The following ROR1 variants were observed in gnomAD, a reference collection of about 807,000 sequenced individuals.
ROR1 encodes inactive tyrosine-protein kinase transmembrane receptor ROR1.
In ROR1, 19 loss-of-function variants were observed where a neutral mutation model predicts 78.8. The observed-to-expected ratio is 0.24, with a 90% CI of 0.17 to 0.35. The LOEUF (loss-of-function observed/expected upper bound fraction) is 0.35. ROR1 is among the 10% of genes least tolerant of loss of function. ROR1 has a pLI of 1.00. For missense variants in ROR1, 917 were observed against 1,177.8 expected (o/e 0.78, Z 3.24); for synonymous variants, 386 against 433.6 (o/e 0.89, Z 1.36).
chr1:63,843,519 ACCAGGATCTTCTTGGTCTCCT>A (rs1307457641), intron 1 of ROR1: 15 of 755,352 alleles, frequency 2.0e-5, no homozygotes, highest in African/African-American at 3.4e-5. Flanking sequence ...CACATCGCCC[ACCAGGATCTTCTTGGTCTCCT>A]CCAGGATGAT....
intron 4 of ROR1, among the ~76,000 whole-genome samples, chr1:64,133,026 T>C (rs10159381): frequency 0.015 from 2,286 of 152,162 alleles, 51 homozygotes; most frequent in African/African-American, 0.05. Flanking sequence ...AGGTGGGCGC[T>C]AAACAGATAA....
Position 63,973,742 on chromosome 1 carries a change from G to T in ROR1, c.92-35563G>T, listed in dbSNP as rs141037716. Among the ~76,000 whole-genome samples the T allele has an allele frequency of 2.2e-3, 332 of 152,246 alleles. 2 individuals carry two copies. The highest frequency in any genetic ancestry group is 7.8e-3 in the African/African-American group (322 of 41,542). ...ATCTAGGGGTGGGGTCTGGGAATAT[G>T]CATCTTAACAAGAATCACAGCAGAT... is the stretch of plus-strand genomic sequence containing the variant. On this transcript the variant is annotated intron_variant, in intron 1 of 8. Transcript: ENST00000371079.
At chr1:63,905,761 C>T (rs1439696183) in intron 1 of ROR1, among the ~76,000 whole-genome samples, 1 of 151,964 alleles carries the variant, frequency 6.6e-6, no homozygotes, top group Non-Finnish European at 1.5e-5. Context: ...AAGAGTCTAA[C>T]TTAAAATTAG....
At chr1:63,852,308 C>G (rs1645118959) in intron 1 of ROR1, among the ~76,000 whole-genome samples, 1 of 152,206 alleles carries the variant, frequency 6.6e-6, no homozygotes, top group Non-Finnish European at 1.5e-5. Context: ...CTGGCAAACT[C>G]TTCCTTTTGT....
At chr1:64,135,858 C>A (rs1172388742) in intron 4 of ROR1, among the ~76,000 whole-genome samples, 2 of 152,098 alleles carry the variant, frequency 1.3e-5, no homozygotes, top group African/African-American at 4.8e-5. Flanking sequence ...GATACTTCCC[C>A]CACTTTCACC....
At chr1:63,942,562 G>A (rs1333640737) in intron 1 of ROR1, among the ~76,000 whole-genome samples, 2 of 152,096 alleles carry the variant, frequency 1.3e-5, no homozygotes, top group Admixed American at 6.5e-5. Context: ...GGCCTTAGGA[G>A]TAGGGCCATT....
chr1:64,004,229 A>G (rs1295010660), intron 1 of ROR1, among the ~76,000 whole-genome samples: 1 of 152,254 alleles, frequency 6.6e-6, no homozygotes, highest in African/African-American at 2.4e-5. Context: ...ATTGTATGAC[A>G]TAATGTTTTA....
At chr1:64,012,067 A>G (rs946926694) in intron 2 of ROR1, among the ~76,000 whole-genome samples, 2 of 152,194 alleles carry the variant, frequency 1.3e-5, no homozygotes, top group South Asian at 4.1e-4. Flanking sequence ...AAGAGGTGAA[A>G]TCCCTAGGTT....
chr1:64,069,859 T>C (rs1646989042), intron 4 of ROR1, among the ~76,000 whole-genome samples: 1 of 152,178 alleles, frequency 6.6e-6, no homozygotes, highest in African/African-American at 2.4e-5. Context: ...ACATAAAATA[T>C]ACAATTTTAG....
At chr1:63,830,029 TC>T (rs1644977956) in intron 1 of ROR1, among the ~76,000 whole-genome samples, 1 of 151,980 alleles carries the variant, frequency 6.6e-6, no homozygotes, top group African/African-American at 2.4e-5. Flanking sequence ...AAAAAAACCT[TC>T]ATAAAAACTT....
At chr1:63,794,659 C>G (rs765714288) in intron 1 of ROR1, among the ~76,000 whole-genome samples, 5 of 152,224 alleles carry the variant, frequency 3.3e-5, no homozygotes, top group Non-Finnish European at 5.9e-5. Flanking sequence ...CTTCAATTTC[C>G]TCATCTGTAA....
chr1:64,103,009 G>T (rs962463456), intron 4 of ROR1, among the ~76,000 whole-genome samples: 3 of 152,172 alleles, frequency 2.0e-5, no homozygotes, highest in Non-Finnish European at 4.4e-5. Flanking sequence ...GCCAGGCCTG[G>T]TGTTACTTAC....
At chr1:64,066,042 A>C (rs1456807242) in intron 4 of ROR1, among the ~76,000 whole-genome samples, 1 of 152,144 alleles carries the variant, frequency 6.6e-6, no homozygotes. Context: ...TGTTCCATAG[A>C]TAACAGAAAA....
intron 1 of ROR1, among the ~76,000 whole-genome samples, chr1:63,855,281 A>G (rs764180735): frequency 6.6e-6 from 1 of 152,142 alleles, no homozygotes; most frequent in Non-Finnish European, 1.5e-5. Context: ...TTCTGTTCTT[A>G]TAATACTTTT....
At chr1:64,111,807 A>G (rs1405765470) in intron 4 of ROR1, 2 of 152,176 alleles carry the variant, frequency 1.3e-5, no homozygotes, top group East Asian at 3.8e-4. Flanking sequence ...CAAGTAACAA[A>G]ATCTTCCTTT....
intron 1 of ROR1, among the ~76,000 whole-genome samples, chr1:63,918,029 G>C (rs855816): frequency 0.85 from 129,924 of 152,148 alleles, 55,962 homozygotes; most frequent in East Asian, 0.99. Context: ...AAAGTGAGGA[G>C]TCACCACTAC....
At chr1:63,970,604 T>C (rs1310198537) in intron 1 of ROR1, among the ~76,000 whole-genome samples, 2 of 152,086 alleles carry the variant, frequency 1.3e-5, no homozygotes, top group Admixed American at 1.3e-4. Context: ...AAAAAATACA[T>C]TGGTATAAAA....
Position 64,177,985 on chromosome 1 carries a change from C to A in ROR1, c.1944C>A (p.Val648=), listed in dbSNP as rs747850753. 1 of 1,614,200 alleles carries A rather than the reference C, an allele frequency of 6.2e-7. No individual in the cohort carries two copies. Among genetic ancestry groups the A allele is most frequent in the Non-Finnish European group, 8.5e-7 (1 of 1,180,036 alleles). Residue 648 remains valine (V), a synonymous_variant, in exon 9 of 9, where the codon GTC becomes GTA. Coordinates refer to ENST00000371079, the MANE Select transcript of ROR1 (RefSeq NM_005012.4). The stretch of plus-strand genomic sequence containing the variant: ...TTTACTCCGCTGATTACTACAGGGT[C>A]CAGAGTAAGTCCTTGCTGCCCATTC... The part of the protein sequence containing the change: ...REIYSADYYR[V]QSKSLLPIRW...
chr1:63,962,416 A>C (rs1483830107), intron 1 of ROR1, among the ~76,000 whole-genome samples: 1 of 152,256 alleles, frequency 6.6e-6, no homozygotes, highest in Non-Finnish European at 1.5e-5. Flanking sequence ...GATGAAAGAC[A>C]TAAGCTAGAA....
Sources: gnomAD v4.1 joint callset for allele counts (sites outside exome capture counted in the v4.1 genomes callset) on GRCh38, gnomAD v4.1.1 for gene constraint, MANE v1.5 for transcripts, NCBI Gene and HGNC (gene_info 2026-07-23, HGNC 2026-07-21) for gene names.